Variants in PIK3R3 observed in about 807,000 individuals in gnomAD.
The protein encoded by PIK3R3 is phosphatidylinositol 3-kinase regulatory subunit gamma.
A neutral mutation model predicts 62.9 loss-of-function variants in PIK3R3; 64 were observed. That is an observed-to-expected ratio of 1.02 (90% CI 0.83 to 1.25). The LOEUF is 1.25. PIK3R3 is among the 50% of genes most tolerant of loss of function. The pLI is 0.00. For synonymous variants in PIK3R3, 165 were observed against 189.0 expected, an observed-to-expected ratio of 0.87 and a Z score of 1.04; for missense variants, 614 against 561.6, an observed-to-expected ratio of 1.09 and a Z score of -0.94.
rs1302200449 is a variant in PIK3R3 at position 46,044,942 on chromosome 1, A to G, written c.1187+976T>C. On this transcript the variant is annotated intron_variant, in intron 9 of 9. Transcript: ENST00000262741. This position sits in a 1 kb window ranked among gnomAD's most constrained non-coding sequence, Gnocchi z 4.2. ...AACAAGATGATCACATAAAGCACTG[A>G]GCAGTCTGTTAATATGAATGCCTTT... Among the ~76,000 whole-genome samples the G allele has an allele frequency of 6.6e-6, 1 of 152,226 alleles. No individual in the cohort carries two copies. Among genetic ancestry groups the G allele is most frequent in the Non-Finnish European group, 1.5e-5 (1 of 68,042 alleles).
intron 1 of PIK3R3, among the ~76,000 whole-genome samples, chr1:46,126,088 A>G (rs1350348539): frequency 2.0e-5 from 3 of 152,142 alleles, no homozygotes; most frequent in African/African-American, 7.2e-5. Context: ...GACCCTTCAG[A>G]GGGTCCAAGA....
At chr1:46,078,310 G>A (rs2149410986) in intron 2 of PIK3R3, among the ~76,000 whole-genome samples, 1 of 152,366 alleles carries the variant, frequency 6.6e-6, no homozygotes, top group South Asian at 2.1e-4. Flanking sequence ...GGCTGAAGCA[G>A]AGAGGTCACT....
rs1372762785 is a variant in PIK3R3, at chr1:46,055,989, A to C, written c.765-18T>G. The stretch of plus-strand genomic sequence containing the variant: ...TCATAATTCTGTAAAAATATTTGAC[A>C]TGTTAAGGCTAAAATAGAAATCAAG... On this transcript the variant is annotated intron_variant, in intron 6 of 9. Coordinates refer to ENST00000262741, the MANE Select transcript of PIK3R3 (RefSeq NM_003629.4). 6.5e-7 allele frequency: 1 copy of C among 1,533,058 alleles called. No homozygotes were observed. 95.0% of individuals were successfully genotyped at this position (1,533,058 alleles called of 1,614,324 possible).
the PIK3R3 span, chr1:46,139,041 C>T: frequency 1.2e-4 from 19 of 152,082 alleles, no homozygotes; most frequent in Non-Finnish European, 2.9e-5. Flanking sequence ...AATATATTTT[C>T]AAATAAACAA....
At chr1:46,078,928 A>G (rs1571431131) in intron 2 of PIK3R3, among the ~76,000 whole-genome samples, 1 of 152,208 alleles carries the variant, frequency 6.6e-6, no homozygotes, top group East Asian at 1.9e-4. Context: ...AATTGAATTC[A>G]TAAGACAGAA....
the PIK3R3 span, among the ~76,000 whole-genome samples, chr1:46,165,818 T>C: frequency 1.4e-4 from 17 of 124,942 alleles, no homozygotes; most frequent in South Asian, 2.1e-3. Flanking sequence ...GTAGCCCAGG[T>C]TGGAGTGCAG....
the PIK3R3 span, among the ~76,000 whole-genome samples, chr1:46,165,751 C>CTTTTTTTTTTTTTTTTTTTTTTTTT: frequency 5.1e-5 from 2 of 39,540 alleles, 1 homozygote; most frequent in East Asian, 2.1e-3. Context: ...CTGCTTTGTC[C>CTTTTTTTTTTTTTTTTTTTTTTTTT]TTTTTTTTTT....
At chr1:46,081,418 T>G (rs1650579996) in intron 1 of PIK3R3, among the ~76,000 whole-genome samples, 1 of 152,146 alleles carries the variant, frequency 6.6e-6, no homozygotes, top group Non-Finnish European at 1.5e-5. Flanking sequence ...CAGCAGGAAG[T>G]GAGCAGTGGG....
the PIK3R3 span, chr1:46,139,080 A>C: frequency 6.6e-6 from 1 of 152,250 alleles, no homozygotes; most frequent in East Asian, 1.9e-4. Context: ...ACATATACCA[A>C]ATATGCAATA....
intron 1 of PIK3R3, among the ~76,000 whole-genome samples, chr1:46,130,964 A>C (rs1655527554): frequency 6.6e-6 from 1 of 152,204 alleles, no homozygotes. Context: ...TTCCTACCAG[A>C]TACACAAAAT....
rs960770148 is a variant in PIK3R3 at position 46,044,202 on chromosome 1, A to G, written c.1188-331T>C. ...GTGATCCTCCCACCACAGCTTCCCA[A>G]GTAGCCGGGACTACAGGTGTGAGCC... On this transcript the variant is annotated intron_variant, in intron 9 of 9. Coordinates refer to ENST00000262741, the MANE Select transcript of PIK3R3 (RefSeq NM_003629.4). The surrounding 1 kb of genome is among the most constrained non-coding windows in gnomAD (Gnocchi z 4.2). 2.0e-5 allele frequency among the ~76,000 whole-genome samples: 3 copies of G among 152,012 alleles called. No homozygotes were observed. The highest frequency in any genetic ancestry group is 2.1e-4 in the South Asian group (1 of 4,816).
At chr1:46,152,503 T>C in the PIK3R3 span, among the ~76,000 whole-genome samples, 2 of 151,942 alleles carry the variant, frequency 1.3e-5, no homozygotes, top group Admixed American at 6.6e-5. Context: ...TCTAACCATA[T>C]CTAACACAAC....
chr1:46,068,050 A>G (rs555687794), intron 3 of PIK3R3, among the ~76,000 whole-genome samples: 2 of 152,340 alleles, frequency 1.3e-5, no homozygotes, highest in Admixed American at 6.5e-5. Flanking sequence ...TTATATAAAT[A>G]GCATTTACAT....
the PIK3R3 span, among the ~76,000 whole-genome samples, chr1:46,165,422 C>T: frequency 1.3e-5 from 2 of 151,450 alleles, no homozygotes; most frequent in Non-Finnish European, 2.9e-5. Context: ...TCTCCTGCCT[C>T]AGCCTCCTGC....
In PIK3R3 at chr1:46,091,499, C is replaced by CAG. The variant is rs1553151292; in HGVS notation, c.107-10751_107-10750dup. On this transcript the variant is annotated intron_variant, in intron 1 of 9. Transcript: ENST00000262741. The stretch of plus-strand genomic sequence containing the variant: ...ACACACACATACACACACACACACA[C>CAG]AGAGAATGTGAAAGAGACCATTTGT... 1.8e-4 allele frequency among the ~76,000 whole-genome samples: 27 copies of CAG among 151,656 alleles called. No homozygotes were observed. The South Asian group carries it at 2.3e-3, about 13-fold the overall frequency.
chr1:46,071,614 A>T lies in PIK3R3; in HGVS notation c.315-4523T>A, dbSNP rs1173509899. Among the ~76,000 whole-genome samples, 14 of 148,196 alleles carry T rather than the reference A, an allele frequency of 9.4e-5. No homozygotes were observed. The Admixed American group carries it at 9.5e-4, about 10-fold the overall frequency. ...GAGGCTGAGGCAGGAGAATCACTTG[A>T]ACCTGGGAGGCGGAGGTTGCAATGA... On this transcript the variant is annotated intron_variant, in intron 3 of 9. Transcript: ENST00000262741.
At chr1:46,142,619 A>C in the PIK3R3 span, among the ~76,000 whole-genome samples, 1 of 151,566 alleles carries the variant, frequency 6.6e-6, no homozygotes. Context: ...AATGGTGTGA[A>C]CCCGGGAGGC....
intron 1 of PIK3R3, among the ~76,000 whole-genome samples, chr1:46,092,426 C>T (rs1651723642): frequency 6.6e-6 from 1 of 152,156 alleles, no homozygotes; most frequent in African/African-American, 2.4e-5. Flanking sequence ...TGCAGTGGTG[C>T]TATCTCGACT....
intron 3 of PIK3R3, among the ~76,000 whole-genome samples, chr1:46,077,232 T>C (rs530940208): frequency 6.6e-6 from 1 of 152,344 alleles, no homozygotes; most frequent in Non-Finnish European, 1.5e-5. Flanking sequence ...CCATGACTTC[T>C]ACTTCCTTTA....
Sources: allele counts gnomAD v4.1 joint callset (sites outside exome capture counted in the v4.1 genomes callset), GRCh38; gene constraint gnomAD v4.1.1; non-coding constraint Gnocchi (gnomAD v3.1); transcripts MANE v1.5; gene names NCBI Gene and HGNC (gene_info 2026-07-23, HGNC 2026-07-21).